EPS15: variants seen among roughly 807,000 people sequenced by gnomAD.
EPS15 encodes epidermal growth factor receptor substrate 15.
A neutral mutation model predicts 113.8 loss-of-function variants in EPS15; 72 were observed. That is an observed-to-expected ratio of 0.63 (90% CI 0.52 to 0.77). EPS15 has a LOEUF of 0.77. EPS15 is among the 30% of genes least tolerant of loss of function. The probability of loss-of-function intolerance (pLI) is 0.00; values close to 1 mark genes in which losing one functional copy is unlikely to be tolerated. For synonymous variants in EPS15, 344 were observed against 363.4 expected (o/e 0.95, Z 0.61); for missense variants, 1,048 against 1,045.8 (o/e 1.00, Z -0.03).
At chr1:51,422,019 A>G (rs1200210165) in intron 12 of EPS15, 161 bp from the exon 13 acceptor site, 47 of 1,307,876 alleles carry the variant, frequency 3.6e-5, no homozygotes, top group Non-Finnish European at 4.5e-5. Flanking sequence ...TTATTTATGA[A>G]ATAAAAATCA....
At position 51,378,203 on chromosome 1, in the gene EPS15, A is replaced by ATTTT. The variant is rs59739270; in HGVS notation, c.2120-12178_2120-12175dup. Among the ~76,000 whole-genome samples, 834 of 147,114 alleles carry ATTTT rather than the reference A, an allele frequency of 5.7e-3. 1 individual carries two copies. The highest frequency in any genetic ancestry group is 0.014 in the Middle Eastern group (4 of 288). ...TGAGCCACTGTGCCCGATCATTAGC[A>ATTTT]TTTTTTTTTTTTAAAGCAATGAAGC... is the stretch of plus-strand genomic sequence containing the variant. On this transcript the variant is annotated intron_variant, in intron 21 of 24. Transcript: ENST00000371733.
At chr1:51,446,453 C>CT (rs370161989) in intron 10 of EPS15, among the ~76,000 whole-genome samples, 18,203 of 132,168 alleles carry the variant, frequency 0.14, 1,923 homozygotes, top group African/African-American at 0.29. Flanking sequence ...CACTGTCATT[C>CT]TTTTTTTTTT....
intron 24 of EPS15, among the ~76,000 whole-genome samples, chr1:51,357,392 AT>A (rs1340491050): frequency 0.087 from 5,113 of 58,644 alleles, 316 homozygotes; most frequent in Non-Finnish European, 0.1. Context: ...AAAAAAAAAA[AT>A]ATATATATAT....
At chr1:51,417,748 A>C (rs1206696676) in intron 13 of EPS15, among the ~76,000 whole-genome samples, 4 of 152,246 alleles carry the variant, frequency 2.6e-5, no homozygotes, top group African/African-American at 9.6e-5. Context: ...TAAGCAGGAA[A>C]GTAGAGAACA....
intron 12 of EPS15, among the ~76,000 whole-genome samples, chr1:51,430,609 C>G (rs960936735): frequency 6.6e-6 from 1 of 151,260 alleles, no homozygotes; most frequent in African/African-American, 2.4e-5. Flanking sequence ...TTCACAAAAG[C>G]TTAGGTTAAA....
intron 1 of EPS15, among the ~76,000 whole-genome samples, chr1:51,502,572 T>G (rs898659900): frequency 6.6e-6 from 1 of 152,166 alleles, no homozygotes; most frequent in Non-Finnish European, 1.5e-5. Context: ...CATGAACTTA[T>G]ATACAGAAAA....
At chr1:51,453,523 C>T (rs1361578900) in intron 8 of EPS15, among the ~76,000 whole-genome samples, 1 of 151,992 alleles carries the variant, frequency 6.6e-6, no homozygotes, top group Non-Finnish European at 1.5e-5. Flanking sequence ...TGCATTCACA[C>T]ACACACCAAA....
chr1:51,463,988 A>C (rs1431569978), intron 6 of EPS15, among the ~76,000 whole-genome samples, 190 bp from the exon 7 acceptor site: 1 of 152,220 alleles, frequency 6.6e-6, no homozygotes, highest in African/African-American at 2.4e-5. Flanking sequence ...AGGAAATAAT[A>C]ATTTCAAAGT....
At chr1:51,499,281 G>C (rs997781828) in intron 1 of EPS15, among the ~76,000 whole-genome samples, 21 of 152,136 alleles carry the variant, frequency 1.4e-4, no homozygotes, top group Non-Finnish European at 2.9e-4. Context: ...TTCATTTCAA[G>C]TCTTCAAGGT....
chr1:51,406,266 A>C (rs967715234), intron 15 of EPS15, among the ~76,000 whole-genome samples, 158 bp from the exon 16 acceptor site: 3 of 152,168 alleles, frequency 2.0e-5, no homozygotes, highest in African/African-American at 7.2e-5. Flanking sequence ...GCTTCAGCCC[A>C]GGAGTTCAAG....
rs114821192 is a variant in EPS15 at position 51,473,020 on chromosome 1, C to T, written c.76-72G>A. ...AAATTATCACCATTTACCTGCCTTCCATCCCTGTGATTTGGGACCTGGCTT... is the reference window on the plus strand; with the variant it reads ...AAATTATCACCATTTACCTGCCTTCTATCCCTGTGATTTGGGACCTGGCTT... On this transcript the variant is annotated intron_variant, in intron 2 of 24. Coordinates refer to ENST00000371733, the MANE Select transcript of EPS15 (RefSeq NM_001981.3). 6.2e-4 allele frequency: 718 copies of T among 1,159,892 alleles called. No homozygotes were observed. The African/African-American group carries it at 8.5e-3, about 14-fold the overall frequency. The allele number at this position is 1,159,892 out of a possible 1,614,324, so 71.9% of individuals were successfully genotyped here.
In EPS15 at chr1:51,356,528, A is replaced by G; in HGVS notation, c.*172T>C. 1.9e-6 allele frequency: 1 copy of G among 514,576 alleles called. No individual in the cohort carries two copies. Among genetic ancestry groups the G allele is most frequent in the Non-Finnish European group, 3.3e-6 (1 of 304,272 alleles). The allele number at this position is 514,576 out of a possible 1,614,324, so 31.9% of individuals were successfully genotyped here. A position where few individuals can be genotyped will look rare whatever the true frequency, so the allele number is the denominator to read the frequency against. Reference sequence around the variant, plus strand: ...ACGGCTTTTATAAGAAAAAAAAAAAAAGACGAATCTGTAATGAAGAAAAAA... The same window carrying G: ...ACGGCTTTTATAAGAAAAAAAAAAAGAGACGAATCTGTAATGAAGAAAAAA... On this transcript the variant is annotated 3_prime_UTR_variant, in exon 25 of 25. Transcript: ENST00000371733.
At chr1:51,492,956 G>A (rs1320187989) in intron 1 of EPS15, among the ~76,000 whole-genome samples, 6 of 151,868 alleles carry the variant, frequency 4.0e-5, no homozygotes, top group South Asian at 4.2e-4. Flanking sequence ...AGCCGGGCGC[G>A]GTGGCTCACG....
chr1:51,369,240 A>G (rs1478797892), intron 21 of EPS15, among the ~76,000 whole-genome samples: 2 of 152,246 alleles, frequency 1.3e-5, no homozygotes, highest in African/African-American at 4.8e-5. Context: ...TAAACACTGC[A>G]GAAAGACAAA....
chr1:51,376,608 G>A (rs144641802), intron 21 of EPS15, among the ~76,000 whole-genome samples: 4,861 of 152,238 alleles, frequency 0.032, 126 homozygotes, highest in Non-Finnish European at 0.05. Flanking sequence ...AGGTTGTGGT[G>A]AGCTGAGATT....
intron 21 of EPS15, among the ~76,000 whole-genome samples, chr1:51,373,748 C>T (rs1048744194): frequency 1.3e-5 from 2 of 152,076 alleles, no homozygotes; most frequent in Non-Finnish European, 2.9e-5. Flanking sequence ...GTCAGGAGTT[C>T]GAGACCAGCC....
At chr1:51,477,505 G>C (rs933447813) in intron 2 of EPS15, among the ~76,000 whole-genome samples, 1 of 152,098 alleles carries the variant, frequency 6.6e-6, no homozygotes, top group Non-Finnish European at 1.5e-5. Context: ...GCTTTTGAAT[G>C]TGCTGGCTCT....
chr1:51,369,494 C>T (rs893328888), intron 21 of EPS15, among the ~76,000 whole-genome samples: 8 of 152,078 alleles, frequency 5.3e-5, no homozygotes, highest in South Asian at 4.1e-4. Flanking sequence ...TCATTAGTAC[C>T]GCCTTTCCCC....
At chr1:51,479,677 G>A (rs540489624) in intron 2 of EPS15, among the ~76,000 whole-genome samples, 1 of 152,256 alleles carries the variant, frequency 6.6e-6, no homozygotes, top group East Asian at 1.9e-4. Flanking sequence ...TTATTACATG[G>A]GTTCAATAGC....
Sources: gnomAD v4.1 joint callset for allele counts (sites outside exome capture counted in the v4.1 genomes callset) on GRCh38, gnomAD v4.1.1 for gene constraint, MANE v1.5 for transcripts, NCBI Gene and HGNC (gene_info 2026-07-23, HGNC 2026-07-21) for gene names.